The following SV2B variants were observed in gnomAD, a reference collection of about 807,000 sequenced individuals.
The protein encoded by SV2B is synaptic vesicle glycoprotein 2B.
SV2B carries 41 observed loss-of-function variants against 73.9 expected under a neutral mutation model. The ratio of observed to expected loss-of-function variants is 0.56; its 90% CI spans 0.43 to 0.72. The LOEUF (loss-of-function observed/expected upper bound fraction) is 0.72. Ranked by LOEUF, SV2B falls within the 30% of genes least tolerant of loss-of-function variation. The pLI, the probability that SV2B is intolerant of heterozygous loss-of-function variation, is 0.00. For missense variants in SV2B, 764 were observed against 857.8 expected (o/e 0.89, Z 1.37); for synonymous variants, 314 against 314.2 (o/e 1.00, Z 0.01).
intron 2 of SV2B, among the ~76,000 whole-genome samples, chr15:91,249,877 C>G (rs2047413266): frequency 6.6e-6 from 1 of 152,134 alleles, no homozygotes; most frequent in African/African-American, 2.4e-5. Context: ...AACCAAAAAC[C>G]TCTCGACGAA....
chr15:91,117,425 C>A (rs1379225795), intron 1 of SV2B, among the ~76,000 whole-genome samples: 1 of 152,158 alleles, frequency 6.6e-6, no homozygotes, highest in African/African-American at 2.4e-5. Flanking sequence ...TAACAAATAG[C>A]CCTAATTATT....
rs1301226484 is a variant in SV2B, at chr15:91,110,656, C to T, written c.-392+10293C>T. Reference sequence around the variant, plus strand: ...GAGAGGAAGAGGCACCGTGGGGTGGCCTGCCCTAGGCAAAGTGCTGGGCCT... The same window carrying T: ...GAGAGGAAGAGGCACCGTGGGGTGGTCTGCCCTAGGCAAAGTGCTGGGCCT... On this transcript the variant is annotated intron_variant, in intron 1 of 12. Coordinates refer to ENST00000394232, the MANE Select transcript of SV2B (RefSeq NM_001323032.3). This position sits in a 1 kb window ranked among gnomAD's most constrained non-coding sequence, Gnocchi z 5.4. 6.6e-6 allele frequency among the ~76,000 whole-genome samples: 1 copy of T among 152,118 alleles called. No homozygotes were observed. Among genetic ancestry groups the T allele is most frequent in the East Asian group, 1.9e-4 (1 of 5,186 alleles).
chr15:91,157,147 G>A (rs533582734), intron 1 of SV2B, among the ~76,000 whole-genome samples: 12 of 152,138 alleles, frequency 7.9e-5, no homozygotes, highest in African/African-American at 2.7e-4. Context: ...ATTTGGGAAG[G>A]ATTTTTACCT....
In SV2B at chr15:91,104,060, G is replaced by A. The variant is rs554766659; in HGVS notation, c.-392+3697G>A. 1.1e-4 allele frequency among the ~76,000 whole-genome samples: 17 copies of A among 152,318 alleles called. No homozygotes were observed. The East Asian group carries it at 2.1e-3, about 19-fold the overall frequency. On this transcript the variant is annotated intron_variant, in intron 1 of 12. Coordinates refer to ENST00000394232, the MANE Select transcript of SV2B (RefSeq NM_001323032.3). ...ATTCAGAGCAAAGCAGCTTAGATGCGTACCCTAGGGACTGATTACATGCTT... is the reference window on the plus strand; with the variant it reads ...ATTCAGAGCAAAGCAGCTTAGATGCATACCCTAGGGACTGATTACATGCTT...
At chr15:91,287,060 T>TG (rs1301686561) in intron 11 of SV2B, among the ~76,000 whole-genome samples, 1 of 152,184 alleles carries the variant, frequency 6.6e-6, no homozygotes, top group East Asian at 1.9e-4. Flanking sequence ...ACAGAGCACT[T>TG]GGGGGTCCTG....
intron 1 of SV2B, among the ~76,000 whole-genome samples, chr15:91,183,692 A>G (rs576183310): frequency 1.3e-5 from 2 of 152,370 alleles, no homozygotes; most frequent in East Asian, 3.9e-4. Context: ...CCAGGCATTC[A>G]TCAAGATGAC....
At position 91,260,332 on chromosome 15, in the gene SV2B, G is replaced by T. The variant is rs749006410; in HGVS notation, c.931G>T (p.Asp311Tyr). The T allele has an allele frequency of 6.2e-7, 1 of 1,610,780 alleles. No individual in the cohort carries two copies. Among genetic ancestry groups the T allele is most frequent in the Non-Finnish European group, 8.5e-7 (1 of 1,179,156 alleles). Residue 311 changes from aspartate to tyrosine, a missense_variant, in exon 6 of 13, where the codon GAT (aspartate) becomes TAT (tyrosine). By Grantham distance (160) the Asp-to-Tyr change is radical. Transcript: ENST00000394232. ...TTGGTTTCACCAGATGGGCAAACAT[G>T]ATGAAGCCTGGATGATTCTCAAGCA... is the stretch of plus-strand genomic sequence containing the variant. ...PRFLLEMGKH[D>Y]EAWMILKQVH...
intron 1 of SV2B, among the ~76,000 whole-genome samples, chr15:91,147,722 C>T (rs2043185758): frequency 6.6e-6 from 1 of 152,162 alleles, no homozygotes; most frequent in South Asian, 2.1e-4. Flanking sequence ...TCATTACTTG[C>T]CTGAATCCGG....
At chr15:91,192,825 C>T (rs1442080807) in intron 1 of SV2B, among the ~76,000 whole-genome samples, 15 of 152,196 alleles carry the variant, frequency 9.9e-5, no homozygotes, top group Non-Finnish European at 2.1e-4. Context: ...TAGGGACTGA[C>T]ACGTGACTCA....
At chr15:91,257,553 A>G (rs1012857663) in intron 4 of SV2B, among the ~76,000 whole-genome samples, 1 of 152,218 alleles carries the variant, frequency 6.6e-6, no homozygotes, top group African/African-American at 2.4e-5. Flanking sequence ...GATGCATTGG[A>G]ATGTAGAAGT....
At chr15:91,259,815 A>G (rs1018646593) in intron 5 of SV2B, among the ~76,000 whole-genome samples, 1 of 152,160 alleles carries the variant, frequency 6.6e-6, no homozygotes, top group African/African-American at 2.4e-5. Context: ...CAGCAGTTAT[A>G]TCGAAACAAG....
Position 91,289,718 on chromosome 15 carries a change from G to C in SV2B, c.1868+38G>C. ...CCAGGCTTTCCTCAGGGACTTGTTT[G>C]GGCTTCTTTGGCCAGAAGTCTACCT... On this transcript the variant is annotated intron_variant, in intron 12 of 12. Coordinates refer to ENST00000394232, the MANE Select transcript of SV2B (RefSeq NM_001323032.3). The surrounding 1 kb of genome is among the most constrained non-coding windows in gnomAD (Gnocchi z 4.9). The C allele has an allele frequency of 6.3e-7, 1 of 1,595,584 alleles. No individual in the cohort carries two copies. Among genetic ancestry groups the C allele is most frequent in the East Asian group, 2.2e-5 (1 of 44,616 alleles).
rs1237284452 is a variant in SV2B, at chr15:91,229,763, C to G, written c.451+3049C>G. Among the ~76,000 whole-genome samples, 1 of 152,178 alleles carries G rather than the reference C, an allele frequency of 6.6e-6. No homozygotes were observed. The highest frequency in any genetic ancestry group is 1.9e-4 in the East Asian group (1 of 5,198). On this transcript the variant is annotated intron_variant, in intron 2 of 12. Transcript: ENST00000394232. The surrounding 1 kb of genome is among the most constrained non-coding windows in gnomAD (Gnocchi z 4.3). ...GATTGTGGTTGTTCTTATTACTAAA[C>G]TGATTGCTTGATAATGACTCAGGAA...
chr15:91,276,796 ATTGTTG>A (rs151067863), intron 9 of SV2B, among the ~76,000 whole-genome samples: 41,276 of 143,096 alleles, frequency 0.29, 6,112 homozygotes, highest in Middle Eastern at 0.36. Flanking sequence ...TATTTATATT[ATTGTTG>A]TTGTTATTAT....
intron 6 of SV2B, among the ~76,000 whole-genome samples, chr15:91,263,105 T>C (rs762728420): frequency 6.6e-6 from 1 of 151,606 alleles, no homozygotes; most frequent in Non-Finnish European, 1.5e-5. Flanking sequence ...GAGACACACA[T>C]AGACATAGGC....
rs1356080815 is a variant in SV2B at position 91,253,781 on chromosome 15, C to T, written c.784+1261C>T. Reference sequence around the variant, plus strand: ...CCATTTCCGCTCACATTCCAGTGGCCCCCAATCTGTAACATGCCCACACTC... The same window carrying T: ...CCATTTCCGCTCACATTCCAGTGGCTCCCAATCTGTAACATGCCCACACTC... On this transcript the variant is annotated intron_variant, in intron 4 of 12. Transcript: ENST00000394232. This position sits in a 1 kb window ranked among gnomAD's most constrained non-coding sequence, Gnocchi z 5.0. 2.0e-5 allele frequency among the ~76,000 whole-genome samples: 3 copies of T among 152,298 alleles called. No individual in the cohort carries two copies. The highest frequency in any genetic ancestry group is 6.8e-3 in the Middle Eastern group (2 of 294).
At chr15:91,177,484 G>A (rs1329093198) in intron 1 of SV2B, among the ~76,000 whole-genome samples, 2 of 151,182 alleles carry the variant, frequency 1.3e-5, no homozygotes, top group Non-Finnish European at 2.9e-5. Context: ...ACCTTGGGCA[G>A]TATGGCCATT....
In SV2B at chr15:91,268,535, G is replaced by A; in HGVS notation, c.1303G>A (p.Val435Met). Residue 435 changes from valine (V) to methionine (M), a missense_variant, in exon 9 of 13, where the codon GTG becomes ATG. Val to Met is a conservative substitution (Grantham distance 21, BLOSUM62 1). Coordinates refer to ENST00000394232, the MANE Select transcript of SV2B (RefSeq NM_001323032.3). The surrounding 1 kb of genome is among the most constrained non-coding windows in gnomAD (Gnocchi z 4.4). ...SKMKVFFGEH[V>M]YGATINFTME... is the part of the protein sequence containing the mutation. ...AATGAAGGTGTTTTTTGGTGAGCAT[G>A]TGTACGGCGCCACAATCAACTTCAC... 6.2e-7 allele frequency: 1 copy of A among 1,614,124 alleles called. No individual in the cohort carries two copies. The highest frequency in any genetic ancestry group is 1.1e-5 in the South Asian group (1 of 91,078).
Position 91,166,559 on chromosome 15 carries a change from C to T in SV2B, c.-391-59314C>T, listed in dbSNP as rs193010420. ...ATTTTTTCAGCACCTATCTTTTTCTCCTCCTCTTTAGAGACCCTGATAGCA... is the reference window on the plus strand; with the variant it reads ...ATTTTTTCAGCACCTATCTTTTTCTTCTCCTCTTTAGAGACCCTGATAGCA... On this transcript the variant is annotated intron_variant, in intron 1 of 12. Coordinates refer to ENST00000394232, the MANE Select transcript of SV2B (RefSeq NM_001323032.3). 7.2e-5 allele frequency among the ~76,000 whole-genome samples: 11 copies of T among 151,968 alleles called. No individual in the cohort carries two copies. In the East Asian group the frequency reaches 1.9e-3, roughly 27 times the overall value.
Sources: gnomAD v4.1 joint callset for allele counts (sites outside exome capture counted in the v4.1 genomes callset) on GRCh38, gnomAD v4.1.1 for gene constraint, Gnocchi (gnomAD v3.1) non-coding constraint, MANE v1.5 for transcripts, NCBI Gene and HGNC (gene_info 2026-07-23, HGNC 2026-07-21) for gene names.